Variants in LINGO2 observed in about 807,000 individuals in gnomAD.
LINGO2 encodes the protein leucine-rich repeat and immunoglobulin-like domain-containing nogo receptor-interacting protein 2.
LINGO2 carries 14 observed loss-of-function variants against 30.6 expected under a neutral mutation model. The observed-to-expected ratio is 0.46, with a 90% CI of 0.30 to 0.72. LINGO2 has a LOEUF of 0.72. Ranked by LOEUF, LINGO2 falls within the 30% of genes least tolerant of loss-of-function variation. LINGO2 has a pLI of 0.07. For synonymous variants in LINGO2, 317 were observed against 288.5 expected (o/e 1.10, Z -1.00); for missense variants, 729 against 751.7 (o/e 0.97, Z 0.35).
the LINGO2 span, among the ~76,000 whole-genome samples, chr9:29,170,073 T>C: frequency 2.6e-5 from 4 of 152,092 alleles, no homozygotes; most frequent in African/African-American, 9.7e-5. Context: ...ATGGGACTAA[T>C]ATTCAATTCA....
At chr9:28,229,660 A>G (rs1821290710) in intron 4 of LINGO2, among the ~76,000 whole-genome samples, 1 of 151,806 alleles carries the variant, frequency 6.6e-6, no homozygotes, top group African/African-American at 2.4e-5. Flanking sequence ...GTTTAACAAA[A>G]CTTTAAAAAA....
chr9:28,351,381 A>C (rs1819879874), intron 3 of LINGO2, among the ~76,000 whole-genome samples: 1 of 150,446 alleles, frequency 6.6e-6, no homozygotes, highest in Non-Finnish European at 1.5e-5. Flanking sequence ...CCTCTATGCA[A>C]ATAAACTAGA....
intron 4 of LINGO2, among the ~76,000 whole-genome samples, chr9:28,177,174 A>T (rs950338531): frequency 1.3e-5 from 2 of 152,200 alleles, no homozygotes; most frequent in African/African-American, 4.8e-5. Context: ...GGATTTTCCT[A>T]CTATGCTGTA....
chr9:27,941,886 T>G, the LINGO2 span: 1 of 152,200 alleles, frequency 6.6e-6, no homozygotes, highest in Non-Finnish European at 1.5e-5. Context: ...GACACAATGT[T>G]TTGAATCATT....
intron 4 of LINGO2, among the ~76,000 whole-genome samples, chr9:28,049,767 A>AG (rs1239493420): frequency 6.6e-6 from 1 of 150,468 alleles, no homozygotes; most frequent in East Asian, 2.0e-4. Flanking sequence ...ACCAAGTACA[A>AG]GGTGGGATGA....
chr9:28,823,061 A>G, the LINGO2 span, among the ~76,000 whole-genome samples: 3 of 152,204 alleles, frequency 2.0e-5, no homozygotes, highest in African/African-American at 4.8e-5. Flanking sequence ...ACTTGATAGA[A>G]AAGTAAATTG....
the LINGO2 span, among the ~76,000 whole-genome samples, chr9:29,155,439 G>C: frequency 1.3e-5 from 2 of 151,914 alleles, no homozygotes; most frequent in Non-Finnish European, 2.9e-5. Context: ...TAATAATCAT[G>C]AACTATACTG....
At chr9:28,190,546 C>A (rs565714069) in intron 4 of LINGO2, among the ~76,000 whole-genome samples, 2 of 152,280 alleles carry the variant, frequency 1.3e-5, no homozygotes, top group African/African-American at 4.8e-5. Context: ...TCTCTCGTTT[C>A]TTCTGCAATG....
At chr9:28,861,784 C>A in the LINGO2 span, among the ~76,000 whole-genome samples, 1 of 151,598 alleles carries the variant, frequency 6.6e-6, no homozygotes, top group Non-Finnish European at 1.5e-5. Flanking sequence ...ACAAAACCTA[C>A]ACTAAAAATT....
chr9:28,848,917 T>C, the LINGO2 span, among the ~76,000 whole-genome samples: 1 of 151,982 alleles, frequency 6.6e-6, no homozygotes, highest in Non-Finnish European at 1.5e-5. Flanking sequence ...CCTAAGGTGA[T>C]GGTATTAGCA....
the LINGO2 span, among the ~76,000 whole-genome samples, chr9:28,828,280 GT>G: frequency 6.6e-6 from 1 of 151,622 alleles, no homozygotes; most frequent in Non-Finnish European, 1.5e-5. Flanking sequence ...TAGAATAATG[GT>G]TTTAAAAGCA....
chr9:29,075,315 T>A, the LINGO2 span, among the ~76,000 whole-genome samples: 4 of 152,220 alleles, frequency 2.6e-5, no homozygotes, highest in African/African-American at 9.6e-5. Context: ...ATCCAAGGTT[T>A]AAATGCCAGA....
intron 3 of LINGO2, among the ~76,000 whole-genome samples, chr9:28,351,815 C>T (rs1819906864): frequency 6.6e-6 from 1 of 151,348 alleles, no homozygotes; most frequent in Non-Finnish European, 1.5e-5. Flanking sequence ...ATCAAGTGGG[C>T]TTCATCCCTG....
the LINGO2 span, among the ~76,000 whole-genome samples, chr9:28,950,500 T>C: frequency 0.032 from 4,802 of 152,176 alleles, 149 homozygotes; most frequent in South Asian, 0.15. Context: ...AAAACCCCAT[T>C]GTCTCAGCCC....
chr9:28,773,132 G>A, the LINGO2 span, among the ~76,000 whole-genome samples: 1 of 152,156 alleles, frequency 6.6e-6, no homozygotes, highest in Non-Finnish European at 1.5e-5. Context: ...CTGGGAGGCT[G>A]AGACGGGTGG....
At chr9:28,810,546 A>G in the LINGO2 span, among the ~76,000 whole-genome samples, 1 of 152,150 alleles carries the variant, frequency 6.6e-6, no homozygotes, top group African/African-American at 2.4e-5. Context: ...AGATTCATCA[A>G]GAGAGTGCTG....
chr9:27,985,429 C>T (rs1224648243), intron 5 of LINGO2, among the ~76,000 whole-genome samples: 1 of 151,910 alleles, frequency 6.6e-6, no homozygotes, highest in Non-Finnish European at 1.5e-5. Flanking sequence ...TAAGACATTG[C>T]ATTTGGACTC....
In LINGO2 at chr9:28,302,688, C is replaced by A. The variant is rs576790094; in HGVS notation, c.-245-7322G>T. 1.1e-4 allele frequency among the ~76,000 whole-genome samples: 16 copies of A among 152,192 alleles called. No homozygotes were observed. In the South Asian group the frequency reaches 3.3e-3, roughly 32 times the overall value. On this transcript the variant is annotated intron_variant, in intron 3 of 5. Coordinates refer to ENST00000379992, the Ensembl canonical transcript of LINGO2. The stretch of plus-strand genomic sequence containing the variant: ...CCTGTCTCAAATATATATATTATAA[C>A]CCCTTTCAGCAGGGTGATGGTAGTA...
chr9:29,001,421 A>G, the LINGO2 span, among the ~76,000 whole-genome samples: 6 of 152,034 alleles, frequency 3.9e-5, no homozygotes, highest in South Asian at 2.1e-4. Context: ...AAGTTTAAAC[A>G]AAAAGAAGTG....
Sources: gnomAD v4.1 joint callset for allele counts (sites outside exome capture counted in the v4.1 genomes callset) on GRCh38, gnomAD v4.1.1 for gene constraint, MANE v1.5 for transcripts, NCBI Gene and HGNC (gene_info 2026-07-23, HGNC 2026-07-21) for gene names.